The following ASB3 variants were observed in gnomAD, a reference collection of about 807,000 sequenced individuals.
The protein encoded by ASB3 is ankyrin repeat and SOCS box protein 3.
In ASB3, 41 loss-of-function variants were observed where a neutral mutation model predicts 54.5. The ratio of observed to expected loss-of-function variants is 0.75; its 90% CI spans 0.59 to 0.98. The LOEUF (loss-of-function observed/expected upper bound fraction) is 0.98, where lower values mean the gene tolerates loss of function less well. Among genes scored for constraint, ASB3 ranks in the 50% least tolerant of loss-of-function variants. The probability of loss-of-function intolerance (pLI) is 0.00; values close to 1 mark genes in which losing one functional copy is unlikely to be tolerated. For missense variants in ASB3, 733 were observed against 620.0 expected (o/e 1.18, Z -1.94); for synonymous variants, 266 against 221.2 (o/e 1.20, Z -1.80).
chr2:53,700,249 C>T (rs368444500), intron 8 of ASB3, 22 bp downstream of exon 8: 31 of 1,604,040 alleles, frequency 1.9e-5, no homozygotes, highest in Middle Eastern at 1.7e-4. Context: ...AGGGTAAGCC[C>T]GACTATGGTA....
intron 5 of ASB3, among the ~76,000 whole-genome samples, chr2:53,723,542 C>T (rs1273793316): frequency 6.6e-6 from 1 of 152,080 alleles, no homozygotes; most frequent in Non-Finnish European, 1.5e-5. Flanking sequence ...CTATTCCTAT[C>T]AAACTACCGA....
At position 53,700,013 on chromosome 2, in the gene ASB3, C is replaced by T. The variant is rs369533805; in HGVS notation, c.1238+258G>A. 4.6e-5 allele frequency among the ~76,000 whole-genome samples: 7 copies of T among 152,220 alleles called. No homozygotes were observed. In the East Asian group the frequency reaches 7.7e-4, roughly 17 times the overall value. On this transcript the variant is annotated intron_variant, in intron 8 of 9. Coordinates refer to ENST00000263634, the MANE Select transcript of ASB3 (RefSeq NM_016115.5). Reference sequence around the variant, plus strand: ...AGAAGCATGAGGAATGCCCAGAAGTCGAAGAAATATCCCTCTTAGAAGAGC... The same window carrying T: ...AGAAGCATGAGGAATGCCCAGAAGTTGAAGAAATATCCCTCTTAGAAGAGC...
chr2:53,751,740 T>C (rs1427919705), intron 2 of ASB3, among the ~76,000 whole-genome samples: 1 of 152,174 alleles, frequency 6.6e-6, no homozygotes, highest in Non-Finnish European at 1.5e-5. Context: ...TAACTAGTTA[T>C]CTATTTTAAG....
intron 1 of ASB3, among the ~76,000 whole-genome samples, chr2:53,777,631 A>G (rs1427849926): frequency 6.6e-6 from 1 of 152,196 alleles, no homozygotes; most frequent in African/African-American, 2.4e-5. Flanking sequence ...TCCCAACCAG[A>G]AAATCTGGTC....
chr2:53,719,634 C>A (rs1670590000), intron 5 of ASB3, among the ~76,000 whole-genome samples: 1 of 151,896 alleles, frequency 6.6e-6, no homozygotes. Context: ...ACTTCTCCCC[C>A]ACACATAAAC....
intron 2 of ASB3, among the ~76,000 whole-genome samples, chr2:53,754,182 A>G (rs957716773): frequency 6.6e-6 from 1 of 152,216 alleles, no homozygotes; most frequent in Non-Finnish European, 1.5e-5. Context: ...ATTGTATTGG[A>G]TTGTAACCTA....
At position 53,670,553 on chromosome 2, in the gene ASB3, C is replaced by T. The variant is rs751188629; in HGVS notation, c.1507G>A (p.Val503Ile). 94 of 1,613,846 alleles carry T rather than the reference C, an allele frequency of 5.8e-5. No homozygotes were observed. Among genetic ancestry groups the T allele is most frequent in the Non-Finnish European group, 5.8e-5 (69 of 1,180,012 alleles). Reference sequence around the variant, plus strand: ...TCTGGAACTTCATACATCCTCAGAACGTCTTCATAGAGCAAATAATTATGT... The same window carrying T: ...TCTGGAACTTCATACATCCTCAGAATGTCTTCATAGAGCAAATAATTATGT... ...SLHNYLLYEDVLRMYEVPELA... is the reference protein window; with the variant it reads ...SLHNYLLYEDILRMYEVPELA... The change falls in exon 10 of 10, where the codon GTT becomes ATT. Residue 503 changes from valine to isoleucine, a missense_variant. Val to Ile is a conservative substitution (Grantham distance 29, BLOSUM62 3). Transcript: ENST00000263634.
At chr2:53,681,285 G>A (rs528759191) in intron 9 of ASB3, among the ~76,000 whole-genome samples, 43 of 152,254 alleles carry the variant, frequency 2.8e-4, no homozygotes, top group Admixed American at 2.5e-3. Context: ...GTTTTTTGAG[G>A]AAACTCCAAA....
At chr2:53,768,660 C>T (rs913951173) in intron 1 of ASB3, among the ~76,000 whole-genome samples, 7 of 152,142 alleles carry the variant, frequency 4.6e-5, no homozygotes, top group African/African-American at 1.7e-4. Context: ...GTACCAAACT[C>T]ATTACTATAT....
intron 9 of ASB3, among the ~76,000 whole-genome samples, chr2:53,672,563 G>A (rs995600243): frequency 3.9e-5 from 6 of 152,054 alleles, no homozygotes; most frequent in African/African-American, 1.4e-4. Context: ...AACAATAATT[G>A]GTCAGTTAAT....
intron 5 of ASB3, among the ~76,000 whole-genome samples, chr2:53,726,386 G>A (rs1342927102): frequency 4.1e-5 from 6 of 147,790 alleles, no homozygotes; most frequent in Admixed American, 1.4e-4. Flanking sequence ...TCAGCCTCCT[G>A]AGTAGCTGGG....
At chr2:53,673,945 T>A (rs1417262439) in intron 9 of ASB3, among the ~76,000 whole-genome samples, 1 of 151,938 alleles carries the variant, frequency 6.6e-6, no homozygotes, top group Non-Finnish European at 1.5e-5. Context: ...ACACAGACAA[T>A]AATATGCCTG....
chr2:53,775,131 G>T (rs7586453), intron 1 of ASB3: 2 of 152,276 alleles, frequency 1.3e-5, no homozygotes, highest in African/African-American at 4.8e-5. Flanking sequence ...TTAAATAAAG[G>T]CATTTTACTA....
intron 3 of ASB3, among the ~76,000 whole-genome samples, chr2:53,739,703 T>C (rs748077927): frequency 2.0e-5 from 3 of 152,190 alleles, no homozygotes; most frequent in Non-Finnish European, 4.4e-5. Context: ...TAAGATAGGG[T>C]CTGGCTCTGT....
At position 53,707,661 on chromosome 2, in the gene ASB3, A is replaced by AAT. The variant is rs58071076; in HGVS notation, c.980+6722_980+6723insAT. 2.7e-5 allele frequency among the ~76,000 whole-genome samples: 4 copies of AAT among 148,402 alleles called. No individual in the cohort carries two copies. In the East Asian group the frequency reaches 8.2e-4, roughly 30 times the overall value. On this transcript the variant is annotated intron_variant, in intron 7 of 9. Coordinates refer to ENST00000263634, the MANE Select transcript of ASB3 (RefSeq NM_016115.5). ...GACTCCGTCTCAAAAAAAAAAAAAAAGAAAGAAATGCAGAGTATGCCGGGC... is the reference window on the plus strand; with the variant it reads ...GACTCCGTCTCAAAAAAAAAAAAAAAATGAAAGAAATGCAGAGTATGCCGGGC...
intron 1 of ASB3, among the ~76,000 whole-genome samples, chr2:53,778,685 A>G (rs1674486660): frequency 6.6e-6 from 1 of 152,166 alleles, no homozygotes; most frequent in South Asian, 2.1e-4. Flanking sequence ...ATGTTCTCCA[A>G]TCCATCCATG....
At chr2:53,696,716 T>C (rs914947836) in intron 8 of ASB3, among the ~76,000 whole-genome samples, 1 of 151,834 alleles carries the variant, frequency 6.6e-6, no homozygotes, top group Non-Finnish European at 1.5e-5. Flanking sequence ...TAATGAAAAA[T>C]AACAATACAA....
At chr2:53,768,101 G>A (rs1673620676) in intron 1 of ASB3, 6 of 1,527,282 alleles carry the variant, frequency 3.9e-6, no homozygotes, top group Non-Finnish European at 5.3e-6. Context: ...CCACACCCTA[G>A]AGAACCACAC....
At chr2:53,684,482 A>T (rs114345670) in intron 9 of ASB3, among the ~76,000 whole-genome samples, 1 of 152,236 alleles carries the variant, frequency 6.6e-6, no homozygotes, top group Non-Finnish European at 1.5e-5. Flanking sequence ...AGGATCAGCC[A>T]TAATGATTCT....
Sources: allele counts gnomAD v4.1 joint callset (sites outside exome capture counted in the v4.1 genomes callset), GRCh38; gene constraint gnomAD v4.1.1; transcripts MANE v1.5; gene names NCBI Gene and HGNC (gene_info 2026-07-23, HGNC 2026-07-21).